The following PXDNL variants were observed in gnomAD, a reference collection of about 807,000 sequenced individuals.
PXDNL encodes probable oxidoreductase PXDNL.
PXDNL carries 145 observed loss-of-function variants against 150.8 expected under a neutral mutation model. The observed-to-expected ratio is 0.96, with a 90% CI of 0.84 to 1.10. The LOEUF is 1.10. PXDNL is among the 50% of genes least tolerant of loss of function. The pLI, the probability that PXDNL is intolerant of heterozygous loss-of-function variation, is 0.00. For synonymous variants in PXDNL, 757 were observed against 725.7 expected, an observed-to-expected ratio of 1.04 and a Z score of -0.69; for missense variants, 2,087 against 1,873.9, an observed-to-expected ratio of 1.11 and a Z score of -2.10.
intron 1 of PXDNL, among the ~76,000 whole-genome samples, chr8:51,682,431 G>C (rs375839285): frequency 3.3e-5 from 5 of 152,152 alleles, no homozygotes; most frequent in African/African-American, 4.8e-5. Context: ...CTCTTTGAAG[G>C]GGGTGAGGGG....
At chr8:51,687,067 T>C (rs1299619345) in intron 1 of PXDNL, among the ~76,000 whole-genome samples, 2 of 152,126 alleles carry the variant, frequency 1.3e-5, no homozygotes, top group Non-Finnish European at 2.9e-5. Flanking sequence ...AAATACAATT[T>C]CTCATCTTGT....
chr8:51,799,855 T>A (rs2037600884), intron 1 of PXDNL, among the ~76,000 whole-genome samples: 1 of 152,148 alleles, frequency 6.6e-6, no homozygotes, highest in Non-Finnish European at 1.5e-5. Context: ...TCCCTACCCA[T>A]GCCCAACCCT....
intron 1 of PXDNL, among the ~76,000 whole-genome samples, chr8:51,662,880 C>T (rs966347954): frequency 6.6e-6 from 1 of 152,176 alleles, no homozygotes; most frequent in African/African-American, 2.4e-5. Flanking sequence ...CTAAGGGGTG[C>T]ACATTTCATC....
chr8:51,736,290 T>C (rs537636149), intron 1 of PXDNL, among the ~76,000 whole-genome samples: 1 of 152,240 alleles, frequency 6.6e-6, no homozygotes, highest in Admixed American at 6.5e-5. Context: ...AGACAGAAAA[T>C]AAATTTTTTA....
chr8:51,435,968 G>A (rs1809396686), intron 12 of PXDNL: 17 of 509,684 alleles, frequency 3.3e-5, no homozygotes, highest in South Asian at 2.2e-4. Flanking sequence ...TTGAAGCTAA[G>A]AAAAAAACAG....
chr8:51,582,961 TA>T lies in PXDNL; in HGVS notation c.308+9665del. On this transcript the variant is annotated intron_variant, in intron 3 of 22. Transcript: ENST00000356297. ...TAGGATAGTTACATTGAAGGAATTT[TA>T]TAAATGTAGTGTTTCATCTGGGGAA... is the stretch of plus-strand genomic sequence containing the variant. 2.0e-5 allele frequency among the ~76,000 whole-genome samples: 3 copies of T among 152,326 alleles called. No homozygotes were observed. In the Middle Eastern group the frequency reaches 0.01, roughly 518 times the overall value.
chr8:51,339,787 A>G, intron 20 of PXDNL, 34 bp from the exon 21 acceptor site: 1 of 1,579,974 alleles, frequency 6.3e-7, no homozygotes. Flanking sequence ...AAATGCTGAA[A>G]AATAAAAGTC....
Position 51,409,479 on chromosome 8 carries a change from C to A in PXDNL, c.2145G>T (p.Leu715=). ...GGAAACACCGGTTGGAGCAGTTTGG[C>A]AGAGGCCTGCGAGCTGTGCATCCAG... ...NLSGCTARRP[L]PNCSNRCFHA... Residue 715 remains leucine, a synonymous_variant, in exon 17 of 23, where the codon CTG becomes CTT. Transcript: ENST00000356297. 1 of 1,612,516 alleles carries A rather than the reference C, an allele frequency of 6.2e-7. No homozygotes were observed. Among genetic ancestry groups the A allele is most frequent in the Non-Finnish European group, 8.5e-7 (1 of 1,179,638 alleles).
chr8:51,429,557 G>A (rs1288892679), intron 12 of PXDNL, among the ~76,000 whole-genome samples: 1 of 152,082 alleles, frequency 6.6e-6, no homozygotes, highest in African/African-American at 2.4e-5. Flanking sequence ...GCGACAGAGT[G>A]AGACTCCATC....
At chr8:51,545,137 T>C (rs1420095068) in intron 4 of PXDNL, among the ~76,000 whole-genome samples, 3 of 152,182 alleles carry the variant, frequency 2.0e-5, no homozygotes, top group African/African-American at 7.2e-5. Context: ...ATACTAAGAT[T>C]ACTCAATATT....
chr8:51,391,958 A>T (rs1319759474), intron 17 of PXDNL, among the ~76,000 whole-genome samples: 3 of 152,160 alleles, frequency 2.0e-5, no homozygotes, highest in Non-Finnish European at 4.4e-5. Context: ...TCTACATATG[A>T]CTAGCCAGTT....
At chr8:51,378,247 C>A (rs1252212608) in intron 17 of PXDNL, among the ~76,000 whole-genome samples, 1 of 151,572 alleles carries the variant, frequency 6.6e-6, no homozygotes, top group East Asian at 1.9e-4. Flanking sequence ...CTTGGAGAAC[C>A]TTTATGTCTA....
chr8:51,805,383 G>A (rs2037664822), intron 1 of PXDNL, among the ~76,000 whole-genome samples: 2 of 147,630 alleles, frequency 1.4e-5, no homozygotes, highest in Admixed American at 1.4e-4. Flanking sequence ...ATAAAATTAT[G>A]TTTGCTGCCT....
Position 51,721,807 on chromosome 8 carries a change from T to G in PXDNL, c.165-67047A>C. 3 of 337,728 alleles carry G rather than the reference T, an allele frequency of 8.9e-6. No individual in the cohort carries two copies. In the South Asian group the frequency reaches 8.9e-5, roughly 10 times the overall value. The allele number at this position is 337,728 out of a possible 1,614,324, so 20.9% of individuals were successfully genotyped here. A position where few individuals can be genotyped will look rare whatever the true frequency, so the allele number is the denominator to read the frequency against. On this transcript the variant is annotated intron_variant, in intron 1 of 22. Coordinates refer to ENST00000356297, the MANE Select transcript of PXDNL (RefSeq NM_144651.5). ...TAGTTTGGTGGAGCTCCAGCCAGCC[T>G]CCTTAAACTAGTCAGTCTGCACCAA...
At chr8:51,656,193 T>C (rs1192814384) in intron 1 of PXDNL, among the ~76,000 whole-genome samples, 1 of 152,214 alleles carries the variant, frequency 6.6e-6, no homozygotes, top group African/African-American at 2.4e-5. Flanking sequence ...TAAAAAGTTG[T>C]TCTATCTTAG....
chr8:51,751,775 C>A (rs561576703), intron 1 of PXDNL, among the ~76,000 whole-genome samples: 1 of 152,096 alleles, frequency 6.6e-6, no homozygotes, highest in Non-Finnish European at 1.5e-5. Flanking sequence ...CTCAATAATC[C>A]TAAAAGAAAA....
chr8:51,491,444 G>T (rs573041808), intron 5 of PXDNL, among the ~76,000 whole-genome samples: 1 of 152,278 alleles, frequency 6.6e-6, no homozygotes, highest in African/African-American at 2.4e-5. Flanking sequence ...GATATCACAT[G>T]TCTGTACTAC....
chr8:51,563,188 A>G (rs1812752206), intron 3 of PXDNL, among the ~76,000 whole-genome samples: 4 of 152,014 alleles, frequency 2.6e-5, no homozygotes, highest in Admixed American at 2.6e-4. Flanking sequence ...CCATAACAAA[A>G]GTACATAGAC....
chr8:51,573,529 T>C (rs903334722), intron 3 of PXDNL, among the ~76,000 whole-genome samples: 1 of 151,988 alleles, frequency 6.6e-6, no homozygotes, highest in Non-Finnish European at 1.5e-5. Flanking sequence ...AAAGCATTTA[T>C]ACCCTCTTGG....
Sources: allele counts gnomAD v4.1 joint callset (sites outside exome capture counted in the v4.1 genomes callset), GRCh38; gene constraint gnomAD v4.1.1; transcripts MANE v1.5; gene names NCBI Gene and HGNC (gene_info 2026-07-23, HGNC 2026-07-21).